The following CREB1 variants were observed in gnomAD, a reference collection of about 807,000 sequenced individuals.
CREB1 encodes cAMP responsive element binding protein 1.
Under a neutral mutation model 42.0 loss-of-function variants are expected in CREB1, and 2 were observed. The observed-to-expected ratio is 0.05, with a 90% CI of 0.02 to 0.15. The LOEUF is 0.15. CREB1 is among the 10% of genes least tolerant of loss of function. The pLI is 1.00. For synonymous variants in CREB1, 123 were observed against 139.9 expected, an observed-to-expected ratio of 0.88 and a Z score of 0.85; for missense variants, 199 against 388.9, an observed-to-expected ratio of 0.51 and a Z score of 4.11.
At chr2:207,583,161 A>T (rs1385554961) in intron 7 of CREB1, among the ~76,000 whole-genome samples, 1 of 152,118 alleles carries the variant, frequency 6.6e-6, no homozygotes, top group East Asian at 1.9e-4. Context: ...ATATAGGGGG[A>T]TTCATATAGG....
rs868152473 is a variant in CREB1, at chr2:207,530,525, G to A, written c.-9+391G>A. On this transcript the variant is annotated intron_variant, in intron 1 of 7. Transcript: ENST00000353267. ...GGCGCGGAGCCGGGAACCCGGAGCC[G>A]CCCCGGGGGAGGCCGCCCGCTCGGC... Among the ~76,000 whole-genome samples, 925 of 145,580 alleles carry A rather than the reference G, an allele frequency of 6.4e-3. 1 individual carries two copies. Among genetic ancestry groups the A allele is most frequent in the Non-Finnish European group, 9.0e-3 (587 of 65,544 alleles).
chr2:207,551,899 T>C (rs1282331264), intron 1 of CREB1, among the ~76,000 whole-genome samples: 1 of 151,476 alleles, frequency 6.6e-6, no homozygotes, highest in Non-Finnish European at 1.5e-5. Context: ...AAAAATTAGC[T>C]GGCATGGTGG....
intron 1 of CREB1, among the ~76,000 whole-genome samples, chr2:207,535,945 T>C (rs1286874905): frequency 6.6e-6 from 1 of 151,924 alleles, no homozygotes; most frequent in African/African-American, 2.4e-5. Flanking sequence ...TTCAGCTTCC[T>C]GAGTGAGTGG....
At chr2:207,544,615 G>C (rs2360970) in intron 1 of CREB1, among the ~76,000 whole-genome samples, 57,615 of 151,958 alleles carry the variant, frequency 0.38, 12,833 homozygotes, top group East Asian at 0.65. Flanking sequence ...TGTTACATAG[G>C]TAATCGTGTG....
rs950178320 is a variant in CREB1, at chr2:207,604,565, T to C, written c.*7507T>C. On this transcript the variant is annotated 3_prime_UTR_variant, in exon 8 of 8. Coordinates refer to ENST00000353267, the MANE Select transcript of CREB1 (RefSeq NM_004379.5). ...GACATCAAATGGAAAGGAAGGATAA[T>C]GTCCAGGAGTTGGAATGTTATCCTT... Among the ~76,000 whole-genome samples the C allele has an allele frequency of 1.3e-5, 2 of 152,206 alleles. No homozygotes were observed. Among genetic ancestry groups the C allele is most frequent in the African/African-American group, 4.8e-5 (2 of 41,448 alleles).
chr2:207,558,090 G>T lies in CREB1; in HGVS notation c.115-2136G>T, dbSNP rs145271815. On this transcript the variant is annotated intron_variant, in intron 2 of 7. Coordinates refer to ENST00000353267, the MANE Select transcript of CREB1 (RefSeq NM_004379.5). ...AGCTATTCCATGGACCACATTTTGA[G>T]AATCAAATAAAACTAAGCAAGATTT... Among the ~76,000 whole-genome samples, 22 of 152,230 alleles carry T rather than the reference G, an allele frequency of 1.4e-4. No individual in the cohort carries two copies. In the East Asian group the frequency reaches 4.2e-3, roughly 29 times the overall value.
Position 207,598,131 on chromosome 2 carries a change from TAAC to T in CREB1, c.*1076_*1078del, listed in dbSNP as rs1462016454. 1 of 180,550 alleles carries T rather than the reference TAAC, an allele frequency of 5.5e-6. No individual in the cohort carries two copies. The highest frequency in any genetic ancestry group is 1.2e-5 in the Non-Finnish European group (1 of 84,386). 11.2% of individuals were successfully genotyped at this position (180,550 alleles called of 1,614,324 possible). A position where few individuals can be genotyped will look rare whatever the true frequency, so the allele number is the denominator to read the frequency against. Reference sequence around the variant, plus strand: ...TACTGATTTTAAATATTTTCCATATTAACAATTTAACAGAGAATCTCTAGTGAA... The same window carrying T: ...TACTGATTTTAAATATTTTCCATATTAATTTAACAGAGAATCTCTAGTGAA... On this transcript the variant is annotated 3_prime_UTR_variant, in exon 8 of 8. Transcript: ENST00000353267.
At chr2:207,540,669 TAAAAAAAAAAAA>T (rs35714520) in intron 1 of CREB1, among the ~76,000 whole-genome samples, 6 of 64,268 alleles carry the variant, frequency 9.3e-5, no homozygotes, top group East Asian at 5.0e-4. Flanking sequence ...GTTTAAAAAG[TAAAAAAAAAAAA>T]AAAAAAAAAA....
chr2:207,539,044 C>CTTT (rs66502070), intron 1 of CREB1, among the ~76,000 whole-genome samples: 231 of 140,460 alleles, frequency 1.6e-3, no homozygotes, highest in Middle Eastern at 7.2e-3. Flanking sequence ...TATTTGTACT[C>CTTT]TTTTTTTTTT....
At chr2:207,581,840 A>G (rs1239273342) in intron 7 of CREB1, 1 of 702,734 alleles carries the variant, frequency 1.4e-6, no homozygotes, top group Non-Finnish European at 2.6e-6. Flanking sequence ...AGTCTCCTTC[A>G]GTCTGTGAAA....
intron 5 of CREB1, among the ~76,000 whole-genome samples, chr2:207,573,171 T>C (rs2106558586): frequency 1.3e-5 from 2 of 152,366 alleles, no homozygotes; most frequent in East Asian, 3.9e-4. Context: ...ACAATTGTTT[T>C]ATATAACTAA....
rs902149968 is a variant in CREB1 at position 207,601,779 on chromosome 2, G to T, written c.*4721G>T. 1.4e-5 allele frequency: 3 copies of T among 218,542 alleles called. No individual in the cohort carries two copies. Among genetic ancestry groups the T allele is most frequent in the Non-Finnish European group, 2.8e-5 (3 of 108,864 alleles). The allele number at this position is 218,542 out of a possible 1,614,324, so 13.5% of individuals were successfully genotyped here. On this transcript the variant is annotated 3_prime_UTR_variant, in exon 8 of 8. Coordinates refer to ENST00000353267, the MANE Select transcript of CREB1 (RefSeq NM_004379.5). ...TTCAGATGAGGAAGGAGAAAGTAAA[G>T]TGTGCATAGTAAGGCTGTAGGTGAA...
rs751883492 is a variant in CREB1 at position 207,577,102 on chromosome 2, G to A, written c.689-403G>A. On this transcript the variant is annotated intron_variant, in intron 6 of 7. Coordinates refer to ENST00000353267, the MANE Select transcript of CREB1 (RefSeq NM_004379.5). Reference sequence around the variant, plus strand: ...GAAAAATCATGGTCGTTTTTATGTCGTGGCAAGAGTCTACTTGAAATTTTT... The same window carrying A: ...GAAAAATCATGGTCGTTTTTATGTCATGGCAAGAGTCTACTTGAAATTTTT... 660 of 972,048 alleles carry A rather than the reference G, an allele frequency of 6.8e-4. 7 individuals carry two copies. Among genetic ancestry groups the A allele is most frequent in the Non-Finnish European group, 6.2e-4 (504 of 815,802 alleles). 60.2% of individuals were successfully genotyped at this position (972,048 alleles called of 1,614,324 possible). A position where few individuals can be genotyped will look rare whatever the true frequency, so the allele number is the denominator to read the frequency against.
At chr2:207,560,882 AAGGGTC>A (rs2081932641) in intron 3 of CREB1, among the ~76,000 whole-genome samples, 1 of 152,130 alleles carries the variant, frequency 6.6e-6, no homozygotes, top group Non-Finnish European at 1.5e-5. Context: ...GTTACATCTT[AAGGGTC>A]AGGAATTATA....
chr2:207,545,421 G>A (rs972454296), intron 1 of CREB1, among the ~76,000 whole-genome samples: 1 of 152,012 alleles, frequency 6.6e-6, no homozygotes, highest in African/African-American at 2.4e-5. Flanking sequence ...TTGGCCAGCT[G>A]GTCACGAACT....
intron 7 of CREB1, among the ~76,000 whole-genome samples, chr2:207,588,932 A>G (rs2084441621): frequency 6.6e-6 from 1 of 152,076 alleles, no homozygotes; most frequent in African/African-American, 2.4e-5. Context: ...ACAAATTATC[A>G]TGTCACCTAC....
intron 1 of CREB1, among the ~76,000 whole-genome samples, chr2:207,544,613 AG>A (rs1360307531): frequency 6.6e-6 from 1 of 152,134 alleles, no homozygotes; most frequent in African/African-American, 2.4e-5. Flanking sequence ...TTTGTTACAT[AG>A]GTAATCGTGT....
intron 1 of CREB1, among the ~76,000 whole-genome samples, chr2:207,530,962 C>T (rs916408373): frequency 1.3e-5 from 2 of 151,274 alleles, no homozygotes; most frequent in African/African-American, 4.9e-5. Flanking sequence ...GACTCCCTCA[C>T]CCCTTTGCTT....
At chr2:207,540,669 T>TAAAAAAA (rs35714520) in intron 1 of CREB1, among the ~76,000 whole-genome samples, 678 of 64,138 alleles carry the variant, frequency 0.011, no homozygotes, top group Middle Eastern at 0.016. Context: ...GTTTAAAAAG[T>TAAAAAAA]AAAAAAAAAA....
Sources: allele counts gnomAD v4.1 joint callset (sites outside exome capture counted in the v4.1 genomes callset), GRCh38; gene constraint gnomAD v4.1.1; transcripts MANE v1.5; gene names NCBI Gene and HGNC (gene_info 2026-07-23, HGNC 2026-07-21).